MYRIP: variants seen among roughly 807,000 people sequenced by gnomAD.
MYRIP encodes myosin VIIA and Rab interacting protein.
A neutral mutation model predicts 98.0 loss-of-function variants in MYRIP; 49 were observed. The ratio of observed to expected loss-of-function variants is 0.50; its 90% confidence interval spans 0.40 to 0.63. The LOEUF (loss-of-function observed/expected upper bound fraction) is 0.63. Ranked by LOEUF, MYRIP falls within the 30% of genes least tolerant of loss-of-function variation. The probability of loss-of-function intolerance (pLI) is 0.00; values close to 1 mark genes in which losing one functional copy is unlikely to be tolerated. For synonymous variants in MYRIP, 404 were observed against 409.5 expected (o/e 0.99, Z 0.16); for missense variants, 1,004 against 1,058.2 (o/e 0.95, Z 0.71).
intron 8 of MYRIP, among the ~76,000 whole-genome samples, chr3:40,181,133 T>C (rs1950874267): frequency 6.6e-6 from 1 of 152,158 alleles, no homozygotes; most frequent in Non-Finnish European, 1.5e-5. Flanking sequence ...ACCATTATCA[T>C]ACAGTTTACT....
intron 2 of MYRIP, among the ~76,000 whole-genome samples, chr3:39,973,581 C>A (rs1180287569): frequency 6.6e-6 from 1 of 152,168 alleles, no homozygotes; most frequent in Non-Finnish European, 1.5e-5. Context: ...CTCTCCACCC[C>A]AAAACAACAG....
chr3:40,035,459 T>C (rs1303363340), intron 2 of MYRIP, among the ~76,000 whole-genome samples: 1 of 151,896 alleles, frequency 6.6e-6, no homozygotes, highest in Non-Finnish European at 1.5e-5. Flanking sequence ...CTGGAGATTA[T>C]CTTAATCAAA....
At chr3:40,219,338 CTT>C (rs1952249635) in intron 11 of MYRIP, among the ~76,000 whole-genome samples, 2 of 152,130 alleles carry the variant, frequency 1.3e-5, no homozygotes, top group Non-Finnish European at 2.9e-5. Flanking sequence ...ATTTTTTAAA[CTT>C]TATTATTATC....
intron 11 of MYRIP, among the ~76,000 whole-genome samples, chr3:40,220,729 G>A (rs1053442813): frequency 1.3e-5 from 2 of 152,088 alleles, no homozygotes; most frequent in African/African-American, 4.8e-5. Context: ...TGGCTGAAGA[G>A]GCCTCAGGAA....
intron 3 of MYRIP, among the ~76,000 whole-genome samples, chr3:40,062,377 G>C (rs1281447213): frequency 6.6e-6 from 1 of 152,102 alleles, no homozygotes; most frequent in Admixed American, 6.6e-5. Flanking sequence ...GCTTGTTTTT[G>C]TCAGCTTTGT....
chr3:40,142,814 C>T (rs1949934180), intron 3 of MYRIP, among the ~76,000 whole-genome samples: 1 of 152,198 alleles, frequency 6.6e-6, no homozygotes, highest in South Asian at 2.1e-4. Flanking sequence ...CAGCTCTGGA[C>T]AGTTCCAAGT....
intron 2 of MYRIP, among the ~76,000 whole-genome samples, chr3:39,982,938 A>C (rs1318978796): frequency 6.6e-6 from 1 of 152,206 alleles, no homozygotes; most frequent in Non-Finnish European, 1.5e-5. Context: ...GTTGTGTAGA[A>C]TATTACTTTT....
In MYRIP at chr3:39,935,374, A is replaced by T. The variant is rs112150476; in HGVS notation, c.110+34448A>T. On this transcript the variant is annotated intron_variant, in intron 2 of 16. Transcript: ENST00000302541. ...GGTGCTCAGGGAACAATAGAATTGA[A>T]GAGTCAAGTATATTCATGAACTGGG... Among the ~76,000 whole-genome samples the T allele has an allele frequency of 1.2e-4, 19 of 152,264 alleles. 1 individual carries two copies. In the Middle Eastern group the frequency reaches 0.017, roughly 136 times the overall value.
chr3:39,930,579 T>TG (rs71288072), intron 2 of MYRIP, among the ~76,000 whole-genome samples: 1 of 151,908 alleles, frequency 6.6e-6, no homozygotes, highest in Non-Finnish European at 1.5e-5. Flanking sequence ...TGCTTATGCT[T>TG]ATTTCTAAGA....
At chr3:39,885,198 TTC>T (rs1213364242) in intron 1 of MYRIP, among the ~76,000 whole-genome samples, 1 of 152,060 alleles carries the variant, frequency 6.6e-6, no homozygotes, top group African/African-American at 2.4e-5. Flanking sequence ...TTTGCTATTT[TTC>T]TCTTTGTCTA....
At chr3:39,986,197 A>G (rs928651985) in intron 2 of MYRIP, among the ~76,000 whole-genome samples, 1 of 152,144 alleles carries the variant, frequency 6.6e-6, no homozygotes, top group Non-Finnish European at 1.5e-5. Flanking sequence ...TTTGGTGGAT[A>G]TCCAAGCATT....
chr3:40,176,599 T>C (rs1423759284), intron 8 of MYRIP, among the ~76,000 whole-genome samples: 1 of 151,430 alleles, frequency 6.6e-6, no homozygotes, highest in East Asian at 1.9e-4. Context: ...AAAATAAAAA[T>C]AAAAATTAGT....
chr3:40,107,473 G>T (rs548552879), intron 3 of MYRIP, among the ~76,000 whole-genome samples: 4 of 152,300 alleles, frequency 2.6e-5, no homozygotes, highest in Non-Finnish European at 5.9e-5. Context: ...ATAGGAATCA[G>T]CAGAGGGGAC....
chr3:39,826,305 A>G (rs563356305), intron 1 of MYRIP, among the ~76,000 whole-genome samples: 5 of 152,142 alleles, frequency 3.3e-5, no homozygotes, highest in South Asian at 2.1e-4. Context: ...ATTTATTGCT[A>G]TGAACTTGAG....
At chr3:40,151,620 T>C (rs1290728607) in intron 4 of MYRIP, among the ~76,000 whole-genome samples, 2 of 152,196 alleles carry the variant, frequency 1.3e-5, no homozygotes, top group African/African-American at 4.8e-5. Flanking sequence ...CAGAAGGTGA[T>C]GTAGTGGGAG....
At chr3:39,859,466 T>A (rs1351109224) in intron 1 of MYRIP, among the ~76,000 whole-genome samples, 2 of 152,202 alleles carry the variant, frequency 1.3e-5, no homozygotes, top group Non-Finnish European at 2.9e-5. Context: ...CTGTTGCCAG[T>A]CCTTCTCAAA....
rs552848575 is a variant in MYRIP, at chr3:39,887,494, C to T, written c.-30-13293C>T. The stretch of plus-strand genomic sequence containing the variant: ...ATTCAACAATGCTTCATGCTAAAAA[C>T]TCTCAATAAATTAGGTATTGATGGG... On this transcript the variant is annotated intron_variant, in intron 1 of 16. Coordinates refer to ENST00000302541, the MANE Select transcript of MYRIP (RefSeq NM_015460.4). Among the ~76,000 whole-genome samples, 8 of 152,250 alleles carry T rather than the reference C, an allele frequency of 5.3e-5. No individual in the cohort carries two copies. The East Asian group carries it at 1.3e-3, about 26-fold the overall frequency.
intron 15 of MYRIP, 143 bp from the exon 16 acceptor site, chr3:40,251,738 T>A (rs750862465): frequency 3.3e-6 from 2 of 614,190 alleles, no homozygotes; most frequent in African/African-American, 3.7e-5. Context: ...AACAAAAAGA[T>A]CCCATAGTCA....
intron 1 of MYRIP, among the ~76,000 whole-genome samples, chr3:39,876,438 G>A (rs945146314): frequency 3.3e-5 from 5 of 152,136 alleles, no homozygotes; most frequent in East Asian, 1.9e-4. Flanking sequence ...TCCTAGCCTC[G>A]ATGGTCTTTA....
Sources: allele counts gnomAD v4.1 joint callset (sites outside exome capture counted in the v4.1 genomes callset), GRCh38; gene constraint gnomAD v4.1.1; transcripts MANE v1.5; gene names NCBI Gene and HGNC (gene_info 2026-07-23, HGNC 2026-07-21).